FAM168A: variants seen among roughly 807,000 people sequenced by gnomAD.
FAM168A encodes protein FAM168A.
FAM168A carries 3 observed loss-of-function variants against 28.5 expected under a neutral mutation model. The ratio of observed to expected loss-of-function variants is 0.11; its 90% CI spans 0.05 to 0.27. FAM168A has a LOEUF of 0.27. Among genes scored for constraint, FAM168A ranks in the 10% least tolerant of loss-of-function variants. FAM168A has a pLI of 1.00. For synonymous variants in FAM168A, 122 were observed against 124.2 expected (o/e 0.98, Z 0.12); for missense variants, 222 against 311.5 (o/e 0.71, Z 2.16).
At chr11:73,579,219 G>A (rs1944214557) in intron 1 of FAM168A, among the ~76,000 whole-genome samples, 1 of 152,048 alleles carries the variant, frequency 6.6e-6, no homozygotes, top group South Asian at 2.1e-4. Flanking sequence ...AATTTTGGTG[G>A]GATACACTCA....
In FAM168A at chr11:73,411,539, G is replaced by A. The variant is rs1314045637; in HGVS notation, c.278-3C>T. 3 of 1,614,058 alleles carry A rather than the reference G, an allele frequency of 1.9e-6. No individual in the cohort carries two copies. In the South Asian group the frequency reaches 3.3e-5, roughly 18 times the overall value. On this transcript the variant is annotated splice_polypyrimidine_tract_variant and splice_region_variant and intron_variant, in intron 4 of 7. Coordinates refer to ENST00000356467, the MANE Select transcript of FAM168A (RefSeq NM_015159.3). Reference sequence around the variant, plus strand: ...GTATGGTGTCCCCGCAGTATATCCTGTACCAAGGCAATAAGAGAGACTTCC... The same window carrying A: ...GTATGGTGTCCCCGCAGTATATCCTATACCAAGGCAATAAGAGAGACTTCC...
chr11:73,574,550 T>C (rs1282638734), intron 1 of FAM168A, among the ~76,000 whole-genome samples: 1 of 152,074 alleles, frequency 6.6e-6, no homozygotes, highest in Non-Finnish European at 1.5e-5. Context: ...TATAACATAA[T>C]GGCACTTGAA....
At chr11:73,519,608 T>A (rs1390902828) in intron 1 of FAM168A, among the ~76,000 whole-genome samples, 1 of 152,094 alleles carries the variant, frequency 6.6e-6, no homozygotes, top group East Asian at 1.9e-4. Flanking sequence ...AGAGGAGTAG[T>A]TAGCCATGAT....
chr11:73,546,213 T>A (rs1212811603), intron 1 of FAM168A, among the ~76,000 whole-genome samples: 1 of 152,230 alleles, frequency 6.6e-6, no homozygotes, highest in Non-Finnish European at 1.5e-5. Flanking sequence ...TCCCTGCATT[T>A]AATTATTTGG....
chr11:73,589,504 A>G (rs1403098672), intron 1 of FAM168A, among the ~76,000 whole-genome samples: 2 of 152,140 alleles, frequency 1.3e-5, no homozygotes, highest in Middle Eastern at 3.4e-3. Flanking sequence ...TGAAAAAAAA[A>G]AAAAAAGAAA....
At chr11:73,421,074 G>T (rs578074124) in intron 3 of FAM168A, among the ~76,000 whole-genome samples, 9 of 150,546 alleles carry the variant, frequency 6.0e-5, no homozygotes, top group East Asian at 1.9e-4. Flanking sequence ...AAAGTCTTGG[G>T]GGGGGGGTCA....
In FAM168A at chr11:73,423,661, C is replaced by T. The variant is rs150866276; in HGVS notation, c.152-3662G>A. ...ATGAGCTGAAGACTCACACCTACTACGAAGCCTTTCCTTCTCCCCACCCCT... is the reference window on the plus strand; with the variant it reads ...ATGAGCTGAAGACTCACACCTACTATGAAGCCTTTCCTTCTCCCCACCCCT... On this transcript the variant is annotated intron_variant, in intron 3 of 7. Coordinates refer to ENST00000356467, the MANE Select transcript of FAM168A (RefSeq NM_015159.3). Among the ~76,000 whole-genome samples, 32 of 152,292 alleles carry T rather than the reference C, an allele frequency of 2.1e-4. No homozygotes were observed. In the East Asian group the frequency reaches 2.3e-3, roughly 11 times the overall value.
intron 1 of FAM168A, among the ~76,000 whole-genome samples, chr11:73,592,417 A>G (rs1050359423): frequency 6.6e-6 from 1 of 152,252 alleles, no homozygotes; most frequent in East Asian, 1.9e-4. Flanking sequence ...TGTCCAAGGA[A>G]GTAAATTTAA....
At chr11:73,548,226 TTA>T (rs1407559252) in intron 1 of FAM168A, among the ~76,000 whole-genome samples, 2 of 152,158 alleles carry the variant, frequency 1.3e-5, no homozygotes, top group Non-Finnish European at 1.5e-5. Flanking sequence ...ACAGTAAATT[TTA>T]TGTTTTTCAT....
chr11:73,443,858 T>C (rs1297617034), intron 2 of FAM168A, among the ~76,000 whole-genome samples: 3 of 152,210 alleles, frequency 2.0e-5, no homozygotes, highest in Admixed American at 2.0e-4. Context: ...CAGTGTCCTT[T>C]TTTCCTTCTC....
chr11:73,450,679 C>A (rs563134126), intron 2 of FAM168A, among the ~76,000 whole-genome samples: 2 of 150,092 alleles, frequency 1.3e-5, no homozygotes, highest in South Asian at 2.2e-4. Context: ...TCCCCTCCCC[C>A]CAAATCTAAA....
chr11:73,445,419 C>CTCTTTTTTTTTTTTTTTT (rs776745757), intron 2 of FAM168A, among the ~76,000 whole-genome samples: 3 of 50,432 alleles, frequency 5.9e-5, no homozygotes, highest in African/African-American at 1.4e-4. Flanking sequence ...AAAAATGTCT[C>CTCTTTTTTTTTTTTTTTT]TTTTTTTTTT....
intron 4 of FAM168A, among the ~76,000 whole-genome samples, chr11:73,415,000 T>C (rs1164576018): frequency 6.6e-6 from 1 of 152,232 alleles, no homozygotes; most frequent in Non-Finnish European, 1.5e-5. Context: ...ACCCACTGTA[T>C]GCCACAAGGA....
At chr11:73,428,404 ACTT>A (rs1332782150) in intron 3 of FAM168A, among the ~76,000 whole-genome samples, 1 of 152,156 alleles carries the variant, frequency 6.6e-6, no homozygotes, top group Non-Finnish European at 1.5e-5. Flanking sequence ...TGCTAAATCT[ACTT>A]CTTCACTCCT....
At position 73,405,996 on chromosome 11, in the gene FAM168A, CTG is replaced by C. The variant is rs763258678; in HGVS notation, c.*765_*766del. ...GGAAGTGCCAGGTCAGTTAACATCACTGTGCAAATCAGAAGGTCCAGGGCCAG... is the reference window on the plus strand; with the variant it reads ...GGAAGTGCCAGGTCAGTTAACATCACTGCAAATCAGAAGGTCCAGGGCCAG... On this transcript the variant is annotated 3_prime_UTR_variant, in exon 8 of 8. Coordinates refer to ENST00000356467, the MANE Select transcript of FAM168A (RefSeq NM_015159.3). 1 of 152,636 alleles carries C rather than the reference CTG, an allele frequency of 6.6e-6. No homozygotes were observed. Among genetic ancestry groups the C allele is most frequent in the African/African-American group, 2.4e-5 (1 of 41,426 alleles). The allele number at this position is 152,636 out of a possible 1,614,324, so 9.5% of individuals were successfully genotyped here.
In FAM168A at chr11:73,461,961, G is replaced by A. The variant is rs1383785203; in HGVS notation, c.70+6444C>T. 7.9e-5 allele frequency among the ~76,000 whole-genome samples: 12 copies of A among 151,878 alleles called. 1 individual carries two copies. Among genetic ancestry groups the A allele is most frequent in the South Asian group, 2.1e-4 (1 of 4,810 alleles). ...TATTATTTAAAGAGAGAGAGAGAGA[G>A]AAAACAAACATTGGCGAAGCTGTGC... On this transcript the variant is annotated intron_variant, in intron 2 of 7. Transcript: ENST00000356467.
At chr11:73,464,565 C>T (rs779702933) in intron 2 of FAM168A, among the ~76,000 whole-genome samples, 8 of 152,008 alleles carry the variant, frequency 5.3e-5, no homozygotes, top group South Asian at 2.1e-4. Context: ...GTGGCCACAA[C>T]GGAATGAAGA....
chr11:73,417,559 CTTT>C (rs11284405), intron 4 of FAM168A, among the ~76,000 whole-genome samples: 5 of 129,996 alleles, frequency 3.8e-5, no homozygotes, highest in South Asian at 2.3e-4. Flanking sequence ...ACCTCTCTCT[CTTT>C]TTTTTTTTTT....
intron 6 of FAM168A, 91 bp from the exon 7 acceptor site, chr11:73,407,734 T>C (rs1866533509): frequency 6.6e-6 from 7 of 1,053,296 alleles, no homozygotes; most frequent in African/African-American, 3.3e-5. Flanking sequence ...ACATGGCTGC[T>C]CCCTCTGCCC....
Sources: gnomAD v4.1 joint callset for allele counts (sites outside exome capture counted in the v4.1 genomes callset) on GRCh38, gnomAD v4.1.1 for gene constraint, MANE v1.5 for transcripts, NCBI Gene and HGNC (gene_info 2026-07-23, HGNC 2026-07-21) for gene names.